SNTG1: variants seen among roughly 807,000 people sequenced by gnomAD.
SNTG1 encodes gamma-1-syntrophin.
SNTG1 carries 39 observed loss-of-function variants against 74.7 expected under a neutral mutation model. The ratio of observed to expected loss-of-function variants is 0.52; its 90% CI spans 0.40 to 0.68. The LOEUF is 0.68. Ranked by LOEUF, SNTG1 falls within the 30% of genes least tolerant of loss-of-function variation. The probability of loss-of-function intolerance (pLI) is 0.00; values close to 1 mark genes in which losing one functional copy is unlikely to be tolerated. For missense variants in SNTG1, 685 were observed against 609.5 expected, an observed-to-expected ratio of 1.12 and a Z score of -1.30; for synonymous variants, 254 against 217.1, an observed-to-expected ratio of 1.17 and a Z score of -1.49.
chr8:50,438,333 G>A (rs1166358955), intron 4 of SNTG1, among the ~76,000 whole-genome samples: 1 of 152,118 alleles, frequency 6.6e-6, no homozygotes, highest in Non-Finnish European at 1.5e-5. Context: ...TAACGCTTCA[G>A]TCCCTGTTAT....
chr8:50,023,145 A>G (rs1444514126), intron 1 of SNTG1, among the ~76,000 whole-genome samples: 3 of 152,116 alleles, frequency 2.0e-5, no homozygotes, highest in Non-Finnish European at 4.4e-5. Context: ...GGAAGAACAG[A>G]GTTTGTTTGA....
chr8:50,060,263 T>A (rs772643490), intron 1 of SNTG1, among the ~76,000 whole-genome samples: 11 of 152,122 alleles, frequency 7.2e-5, no homozygotes, highest in Admixed American at 2.6e-4. Flanking sequence ...TACAAGTGCC[T>A]TATCAGATAA....
At chr8:50,323,547 G>A (rs2090614278) in intron 2 of SNTG1, among the ~76,000 whole-genome samples, 3 of 152,160 alleles carry the variant, frequency 2.0e-5, no homozygotes. Flanking sequence ...ACTCATAGAG[G>A]TACTATGTTG....
At chr8:50,781,575 T>C (rs1408485329) in intron 18 of SNTG1, among the ~76,000 whole-genome samples, 7 of 152,190 alleles carry the variant, frequency 4.6e-5, no homozygotes, top group African/African-American at 1.7e-4. Flanking sequence ...TCCTCCATCC[T>C]TTTATTTTGA....
intron 1 of SNTG1, among the ~76,000 whole-genome samples, chr8:49,986,067 TTTAGTA>T (rs1453249208): frequency 6.6e-6 from 1 of 152,188 alleles, no homozygotes. Flanking sequence ...TGAACAATAT[TTTAGTA>T]TTAGTTCTAT....
chr8:50,634,303 G>A (rs938461451), intron 13 of SNTG1, among the ~76,000 whole-genome samples: 10 of 152,168 alleles, frequency 6.6e-5, no homozygotes, highest in African/African-American at 1.4e-4. Flanking sequence ...TCTGTGGGGC[G>A]GCTAACTGTG....
chr8:50,589,480 C>T (rs550827599), intron 12 of SNTG1, among the ~76,000 whole-genome samples: 1 of 152,180 alleles, frequency 6.6e-6, no homozygotes. Flanking sequence ...TGCTCAACCA[C>T]TACTTTCTAT....
chr8:50,498,823 T>C (rs534161839), intron 8 of SNTG1, among the ~76,000 whole-genome samples: 1 of 151,986 alleles, frequency 6.6e-6, no homozygotes, highest in South Asian at 2.1e-4. Context: ...TTTGAAATAG[T>C]TCCAGCACAA....
chr8:50,564,635 G>C (rs1000381204), intron 12 of SNTG1, among the ~76,000 whole-genome samples: 1 of 152,030 alleles, frequency 6.6e-6, no homozygotes, highest in Non-Finnish European at 1.5e-5. Flanking sequence ...TGAGATTTTA[G>C]TGTTGTTGCC....
chr8:50,175,570 A>G (rs1013633367), intron 2 of SNTG1, among the ~76,000 whole-genome samples: 12 of 152,280 alleles, frequency 7.9e-5, no homozygotes, highest in African/African-American at 2.6e-4. Flanking sequence ...CCCTTCTTAG[A>G]ATTTCCCAGT....
intron 17 of SNTG1, chr8:50,709,265 G>T (rs1294694709): frequency 1.0e-5 from 4 of 388,736 alleles, no homozygotes; most frequent in African/African-American, 8.2e-5. Context: ...TTAAAGATAT[G>T]ACTTTATAAT....
chr8:50,434,476 C>T (rs955711981), intron 4 of SNTG1, among the ~76,000 whole-genome samples: 2 of 27,012 alleles, frequency 7.4e-5, no homozygotes, highest in Admixed American at 2.6e-4. Context: ...CTGTCTTCCA[C>T]AATGTTTGAA....
At chr8:50,655,201 G>A (rs1241324898) in intron 13 of SNTG1, among the ~76,000 whole-genome samples, 1 of 152,090 alleles carries the variant, frequency 6.6e-6, no homozygotes, top group Non-Finnish European at 1.5e-5. Flanking sequence ...TGCAACTACT[G>A]GAAGTGTAAG....
At chr8:50,140,468 A>G (rs2081618484) in intron 1 of SNTG1, among the ~76,000 whole-genome samples, 1 of 151,854 alleles carries the variant, frequency 6.6e-6, no homozygotes, top group Non-Finnish European at 1.5e-5. Context: ...TGTGGGTGTA[A>G]GAGTGTGTGT....
intron 1 of SNTG1, among the ~76,000 whole-genome samples, chr8:50,118,721 A>G (rs1450058453): frequency 2.1e-5 from 3 of 142,860 alleles, no homozygotes; most frequent in Non-Finnish European, 4.7e-5. Context: ...TTTATAGTTT[A>G]TAAAATTAAA....
At chr8:50,529,443 A>C (rs1006674616) in intron 9 of SNTG1, among the ~76,000 whole-genome samples, 2 of 152,066 alleles carry the variant, frequency 1.3e-5, no homozygotes, top group African/African-American at 4.8e-5. Flanking sequence ...AATATTTCAA[A>C]TATTAATTGA....
At chr8:50,364,046 G>C (rs2092038843) in intron 2 of SNTG1, among the ~76,000 whole-genome samples, 1 of 152,180 alleles carries the variant, frequency 6.6e-6, no homozygotes. Flanking sequence ...CAACCTGGAA[G>C]CTCTCAGAAT....
chr8:50,766,332 TTTC>T (rs1240571341), intron 18 of SNTG1, among the ~76,000 whole-genome samples: 1 of 152,018 alleles, frequency 6.6e-6, no homozygotes, highest in African/African-American at 2.4e-5. Flanking sequence ...ACTAAGATGG[TTTC>T]TTACAGTATT....
chr8:50,088,050 T>C (rs201562690), intron 1 of SNTG1, among the ~76,000 whole-genome samples: 1 of 149,024 alleles, frequency 6.7e-6, no homozygotes, highest in Non-Finnish European at 1.5e-5. Context: ...TTTGTTCTTG[T>C]GATAGTTTAC....
Sources: allele counts gnomAD v4.1 joint callset (sites outside exome capture counted in the v4.1 genomes callset), GRCh38; gene constraint gnomAD v4.1.1; transcripts MANE v1.5; gene names NCBI Gene and HGNC (gene_info 2026-07-23, HGNC 2026-07-21).